The following DST variants were observed in gnomAD, a reference collection of about 807,000 sequenced individuals.
DST encodes dystonin, also known as bullous pemphigoid antigen.
A neutral mutation model predicts 875.2 loss-of-function variants in DST; 253 were observed. The ratio of observed to expected loss-of-function variants is 0.29; its 90% confidence interval spans 0.26 to 0.32. The LOEUF is 0.32. Among genes scored for constraint, DST ranks in the 10% least tolerant of loss-of-function variants. The pLI is 1.00. For missense variants in DST, 8,287 were observed against 9,111.6 expected, an observed-to-expected ratio of 0.91 and a Z score of 3.68; for synonymous variants, 3,124 against 3,197.1, an observed-to-expected ratio of 0.98 and a Z score of 0.77.
Position 56,611,464 on chromosome 6 carries a change from T to C in DST, c.5147+44A>G, listed in dbSNP as rs7747060. 0.41 allele frequency: 562,012 copies of C among 1,381,392 alleles called. 116,213 individuals carry two copies. The highest frequency in any genetic ancestry group is 0.48 in the African/African-American group (33,799 of 70,130). The allele number at this position is 1,381,392 out of a possible 1,614,324, so 85.6% of individuals were successfully genotyped here. Reference sequence around the variant, plus strand: ...CTGTTTTGCTGAAAGCTTTTAAGAATACTTCCCCACTTAAAATAAAAGAGC... The same window carrying C: ...CTGTTTTGCTGAAAGCTTTTAAGAACACTTCCCCACTTAAAATAAAAGAGC... On this transcript the variant is annotated intron_variant, in intron 38 of 103. Coordinates refer to ENST00000680361, the MANE Select transcript of DST (RefSeq NM_001374736.1).
At chr6:56,787,445 A>G (rs1417646978) in intron 4 of DST, among the ~76,000 whole-genome samples, 2 of 152,234 alleles carry the variant, frequency 1.3e-5, no homozygotes, top group Admixed American at 6.5e-5. Flanking sequence ...TAAATAGTCT[A>G]CATTCCTAGA....
At chr6:56,683,153 A>G (rs555619526) in intron 9 of DST, among the ~76,000 whole-genome samples, 1 of 152,324 alleles carries the variant, frequency 6.6e-6, no homozygotes, top group Admixed American at 6.5e-5. Flanking sequence ...AGGGGGTCTT[A>G]TATCCCCATT....
chr6:56,682,593 GA>G (rs2099162151), intron 9 of DST, among the ~76,000 whole-genome samples: 1 of 152,170 alleles, frequency 6.6e-6, no homozygotes, highest in South Asian at 2.1e-4. Flanking sequence ...GGAACTAAAA[GA>G]AGGTGCAGAG....
intron 43 of DST, chr6:56,601,933 T>C (rs772682271): frequency 2.2e-6 from 1 of 449,770 alleles, no homozygotes; most frequent in Non-Finnish European, 4.0e-6. Context: ...ACCTGTCACA[T>C]TGCACTTAAA....
At chr6:56,481,310 G>A (rs905259761) in intron 90 of DST, among the ~76,000 whole-genome samples, 10 of 152,096 alleles carry the variant, frequency 6.6e-5, no homozygotes, top group East Asian at 1.9e-4. Flanking sequence ...TACATTGAGC[G>A]TTACCATTTC....
At chr6:56,872,522 T>C (rs1404569885) in intron 3 of DST, among the ~76,000 whole-genome samples, 1 of 152,030 alleles carries the variant, frequency 6.6e-6, no homozygotes, top group African/African-American at 2.4e-5. Context: ...ACTCCACCTC[T>C]AAGAAAACAA....
intron 9 of DST, among the ~76,000 whole-genome samples, chr6:56,699,283 T>C (rs1475754265): frequency 6.6e-6 from 1 of 152,212 alleles, no homozygotes; most frequent in Non-Finnish European, 1.5e-5. Flanking sequence ...TTGACAGTGC[T>C]AAGAACCTGT....
chr6:56,560,633 A>C (rs1009601809), intron 57 of DST, among the ~76,000 whole-genome samples: 2 of 152,152 alleles, frequency 1.3e-5, no homozygotes, highest in African/African-American at 4.8e-5. Flanking sequence ...CCCACAGAGG[A>C]ACACTATGAC....
chr6:56,495,280 A>T (rs1268457705), intron 82 of DST, among the ~76,000 whole-genome samples: 1 of 152,006 alleles, frequency 6.6e-6, no homozygotes, highest in African/African-American at 2.4e-5. Context: ...AAATGATATT[A>T]CAAATATCAA....
chr6:56,546,553 G>C (rs1378217925), intron 61 of DST, among the ~76,000 whole-genome samples: 1 of 150,412 alleles, frequency 6.6e-6, no homozygotes, highest in African/African-American at 2.4e-5. Flanking sequence ...TTGAAATGAA[G>C]ACAACTGGAG....
At chr6:56,785,303 T>C (rs2152997642) in intron 4 of DST, among the ~76,000 whole-genome samples, 1 of 152,366 alleles carries the variant, frequency 6.6e-6, no homozygotes, top group Middle Eastern at 3.4e-3. Context: ...GTCTGTGCCC[T>C]GCCCCCAGAG....
chr6:56,496,627 G>A (rs2095914695), intron 82 of DST, among the ~76,000 whole-genome samples: 1 of 151,920 alleles, frequency 6.6e-6, no homozygotes, highest in Admixed American at 6.6e-5. Flanking sequence ...AATTTACACT[G>A]TGTTATATTA....
rs575826898 is a variant in DST, at chr6:56,507,482, T to C, written c.19240-693A>G. On this transcript the variant is annotated intron_variant, in intron 75 of 103. Transcript: ENST00000680361. ...AAACCATACTATGTGCAGAGTCCTT[T>C]GCATGAATAAAGTATTACGGGAACA... Among the ~76,000 whole-genome samples the C allele has an allele frequency of 2.3e-4, 35 of 152,292 alleles. No individual in the cohort carries two copies. The South Asian group carries it at 7.0e-3, about 31-fold the overall frequency.
At chr6:56,814,929 T>C (rs1202178620) in intron 4 of DST, among the ~76,000 whole-genome samples, 2 of 152,014 alleles carry the variant, frequency 1.3e-5, no homozygotes, top group Non-Finnish European at 2.9e-5. Flanking sequence ...GCAAGATAAA[T>C]GAGAGGCAGG....
intron 4 of DST, among the ~76,000 whole-genome samples, chr6:56,820,779 TTTTAC>T (rs2099772186): frequency 6.6e-6 from 1 of 152,202 alleles, no homozygotes; most frequent in Admixed American, 6.5e-5. Flanking sequence ...CTCTAATTTC[TTTTAC>T]TTTTAGTTTC....
chr6:56,575,351 A>T (rs1323210877), intron 50 of DST, among the ~76,000 whole-genome samples: 1 of 152,134 alleles, frequency 6.6e-6, no homozygotes, highest in Non-Finnish European at 1.5e-5. Flanking sequence ...GTACCCTCTG[A>T]TTCTAAAATA....
chr6:56,905,967 T>C (rs1440795477), intron 2 of DST, among the ~76,000 whole-genome samples: 2 of 152,132 alleles, frequency 1.3e-5, no homozygotes, highest in Non-Finnish European at 2.9e-5. Context: ...ACTTTCTTTA[T>C]CCACTCATCT....
intron 4 of DST, among the ~76,000 whole-genome samples, chr6:56,799,709 C>T (rs1266717147): frequency 5.3e-5 from 8 of 152,062 alleles, no homozygotes; most frequent in Non-Finnish European, 1.0e-4. Flanking sequence ...GCAACCTCCA[C>T]CTCTTGGGCT....
At chr6:56,550,829 C>T (rs1331152854) in intron 61 of DST, among the ~76,000 whole-genome samples, 1 of 152,186 alleles carries the variant, frequency 6.6e-6, no homozygotes, top group Non-Finnish European at 1.5e-5. Flanking sequence ...GAATTCCAAA[C>T]TTTACTGACG....
Sources: gnomAD v4.1 joint callset for allele counts (sites outside exome capture counted in the v4.1 genomes callset) on GRCh38, gnomAD v4.1.1 for gene constraint, MANE v1.5 for transcripts, NCBI Gene and HGNC (gene_info 2026-07-23, HGNC 2026-07-21) for gene names.